Variants in FAM185A observed in about 807,000 individuals in gnomAD.
The protein encoded by FAM185A is family with sequence similarity 185 member A.
FAM185A carries 21 observed loss-of-function variants against 45.7 expected under a neutral mutation model. The ratio of observed to expected loss-of-function variants is 0.46; its 90% CI spans 0.33 to 0.66. The LOEUF is 0.66. Ranked by LOEUF, FAM185A falls within the 30% of genes least tolerant of loss-of-function variation. The pLI is 0.03. For missense variants in FAM185A, 305 were observed against 485.4 expected (o/e 0.63, Z 3.49); for synonymous variants, 117 against 194.0 (o/e 0.60, Z 3.30).
chr7:102,777,944 C>G (rs1165770323), intron 6 of FAM185A, among the ~76,000 whole-genome samples: 6 of 152,178 alleles, frequency 3.9e-5, no homozygotes, highest in Non-Finnish European at 8.8e-5. Flanking sequence ...ATGAATTTGT[C>G]TGTTCTTCTG....
chr7:102,786,841 A>AG (rs57986331), intron 6 of FAM185A, among the ~76,000 whole-genome samples: 39,755 of 151,126 alleles, frequency 0.26, 6,472 homozygotes, highest in African/African-American at 0.47. Flanking sequence ...AAAAAAAAAA[A>AG]CATGGGCTTT....
the FAM185A span, among the ~76,000 whole-genome samples, chr7:102,845,048 G>A: frequency 1.3e-5 from 2 of 152,066 alleles, no homozygotes; most frequent in Non-Finnish European, 2.9e-5. Flanking sequence ...GGATGTGTTC[G>A]CCAACCTGGA....
At chr7:102,827,010 T>C in the FAM185A span, 1 of 375,172 alleles carries the variant, frequency 2.7e-6, no homozygotes, top group Admixed American at 2.5e-5. Flanking sequence ...ACAAATGCTT[T>C]GCAGCTACTG....
intron 7 of FAM185A, among the ~76,000 whole-genome samples, chr7:102,796,765 C>T (rs1046837732): frequency 3.3e-5 from 5 of 152,002 alleles, no homozygotes; most frequent in African/African-American, 7.2e-5. Flanking sequence ...TACAGATGAC[C>T]GAATTAGCAG....
At chr7:102,796,486 G>A (rs1204092339) in intron 7 of FAM185A, among the ~76,000 whole-genome samples, 1 of 152,198 alleles carries the variant, frequency 6.6e-6, no homozygotes, top group Non-Finnish European at 1.5e-5. Context: ...GGCTGTTATT[G>A]TCTTGGTTTC....
the FAM185A span, chr7:102,832,915 C>T: frequency 3.1e-6 from 5 of 1,614,202 alleles, no homozygotes; most frequent in Admixed American, 3.3e-5. Flanking sequence ...TCATATCTGA[C>T]AGCTGGGAGC....
intron 6 of FAM185A, among the ~76,000 whole-genome samples, chr7:102,782,850 A>G (rs891976033): frequency 4.6e-5 from 7 of 152,096 alleles, no homozygotes; most frequent in African/African-American, 1.7e-4. Context: ...AAAGACACAG[A>G]CTGGCAAATT....
chr7:102,849,336 A>G, the FAM185A span, among the ~76,000 whole-genome samples: 3 of 152,208 alleles, frequency 2.0e-5, no homozygotes, highest in Non-Finnish European at 4.4e-5. Context: ...CTAAAAGTCA[A>G]TACATCTGAG....
At chr7:102,799,789 T>C (rs1004839084) in intron 7 of FAM185A, among the ~76,000 whole-genome samples, 5 of 152,122 alleles carry the variant, frequency 3.3e-5, no homozygotes, top group African/African-American at 1.2e-4. Context: ...TACTTAACAC[T>C]TGAACTCTCA....
the FAM185A span, among the ~76,000 whole-genome samples, chr7:102,834,402 C>T: frequency 3.5e-5 from 5 of 141,506 alleles, no homozygotes; most frequent in East Asian, 2.0e-4. Context: ...ATATTATATG[C>T]GATTATATAT....
intron 7 of FAM185A, among the ~76,000 whole-genome samples, chr7:102,788,729 A>G (rs1044605722): frequency 1.3e-5 from 2 of 152,228 alleles, no homozygotes; most frequent in African/African-American, 4.8e-5. Flanking sequence ...TGAACATTAC[A>G]GAGTGAACTT....
At chr7:102,785,845 T>C (rs1188336675) in intron 6 of FAM185A, among the ~76,000 whole-genome samples, 2 of 151,496 alleles carry the variant, frequency 1.3e-5, no homozygotes, top group Non-Finnish European at 3.0e-5. Flanking sequence ...CTAATTAAAC[T>C]AAAGAGCTTC....
chr7:102,765,248 G>T (rs541071606), intron 4 of FAM185A, among the ~76,000 whole-genome samples: 1 of 152,254 alleles, frequency 6.6e-6, no homozygotes, highest in South Asian at 2.1e-4. Context: ...TAACACAGAT[G>T]CACTGCTTCA....
the FAM185A span, among the ~76,000 whole-genome samples, chr7:102,818,818 G>A: frequency 6.6e-6 from 1 of 152,088 alleles, no homozygotes; most frequent in Admixed American, 6.5e-5. Flanking sequence ...AGGTTCAGGA[G>A]TACATGTACA....
chr7:102,788,655 A>T (rs919265939), intron 7 of FAM185A, among the ~76,000 whole-genome samples: 2 of 152,234 alleles, frequency 1.3e-5, no homozygotes, highest in African/African-American at 2.4e-5. Flanking sequence ...AAGTACAGTC[A>T]TGCATCACTT....
chr7:102,834,151 A>C, the FAM185A span, among the ~76,000 whole-genome samples: 1 of 78,786 alleles, frequency 1.3e-5, no homozygotes, highest in Non-Finnish European at 2.4e-5. Flanking sequence ...AAGAGAAGAC[A>C]AGAGAAAAGA....
chr7:102,808,531 T>C lies in FAM185A; in HGVS notation c.*129T>C. On this transcript the variant is annotated 3_prime_UTR_variant, in exon 8 of 8. Coordinates refer to ENST00000413034, the MANE Select transcript of FAM185A (RefSeq NM_001145268.2). ...GAGAATGAATACTGGTGAACTGTTT[T>C]GGGAGGCTTTTTCAAAATTTGTGCT... 1 of 650,498 alleles carries C rather than the reference T, an allele frequency of 1.5e-6. No individual in the cohort carries two copies. The highest frequency in any genetic ancestry group is 3.7e-4 in the Middle Eastern group (1 of 2,694). 40.3% of individuals were successfully genotyped at this position (650,498 alleles called of 1,614,324 possible). A position where few individuals can be genotyped will look rare whatever the true frequency, so the allele number is the denominator to read the frequency against.
the FAM185A span, among the ~76,000 whole-genome samples, chr7:102,819,270 G>A: frequency 6.6e-6 from 1 of 152,032 alleles, no homozygotes; most frequent in Non-Finnish European, 1.5e-5. Flanking sequence ...GTCGTTTTCT[G>A]ATCATAGTTG....
the FAM185A span, among the ~76,000 whole-genome samples, chr7:102,840,091 T>C: frequency 3.9e-5 from 6 of 152,012 alleles, no homozygotes; most frequent in Admixed American, 2.6e-4. Flanking sequence ...GACAGATGCA[T>C]AAAAAGAAGG....
Sources: allele counts gnomAD v4.1 joint callset (sites outside exome capture counted in the v4.1 genomes callset), GRCh38; gene constraint gnomAD v4.1.1; transcripts MANE v1.5; gene names NCBI Gene and HGNC (gene_info 2026-07-23, HGNC 2026-07-21).